Variants in KRT40 observed in about 807,000 individuals in gnomAD.
The protein encoded by KRT40 is keratin, type I cytoskeletal 40.
A neutral mutation model predicts 43.5 loss-of-function variants in KRT40; 47 were observed. That is an observed-to-expected ratio of 1.08 (90% confidence interval 0.86 to 1.38). The LOEUF is 1.38. Ranked by LOEUF, KRT40 falls within the 40% of genes most tolerant of loss-of-function variation. KRT40 has a pLI of 0.00. For synonymous variants in KRT40, 212 were observed against 214.0 expected, an observed-to-expected ratio of 0.99 and a Z score of 0.08; for missense variants, 573 against 523.6, an observed-to-expected ratio of 1.09 and a Z score of -0.92.
chr17:40,981,440 C>A, intron 3 of KRT40: 2 of 584,160 alleles, frequency 3.4e-6, no homozygotes, highest in Non-Finnish European at 6.2e-6. Flanking sequence ...AGTAAGGTGT[C>A]AATAAATGTT....
At chr17:40,982,194 A>G in intron 3 of KRT40, 113 bp downstream of exon 3, 1 of 1,049,400 alleles carries the variant, frequency 9.5e-7, no homozygotes, top group Non-Finnish European at 1.3e-6. Flanking sequence ...AAGTAGTTTT[A>G]TTCCAGCTTA....
chr17:40,978,465 T>C (rs1480570781), intron 6 of KRT40, among the ~76,000 whole-genome samples, 169 bp from the exon 7 acceptor site: 2 of 152,250 alleles, frequency 1.3e-5, no homozygotes, highest in Admixed American at 6.5e-5. Context: ...TGCCACTTCA[T>C]GTTCACTGTA....
chr17:40,984,199 T>C lies in KRT40; in HGVS notation c.75A>G (p.Ser25=). 1 of 1,613,942 alleles carries C rather than the reference T, an allele frequency of 6.2e-7. No homozygotes were observed. Among genetic ancestry groups the C allele is most frequent in the Non-Finnish European group, 8.5e-7 (1 of 1,179,988 alleles). ...CGTASGCAPA[S]SCSVETACLP... ...GACAAGCTGTTTCCACGGAGCAGCT[T>C]GAGGCAGGTGCACAACCGGAAGCCG... The change falls in exon 1 of 7, where the codon TCA becomes TCG. Residue 25 remains serine, a synonymous_variant. Coordinates refer to ENST00000377755, the MANE Select transcript of KRT40 (RefSeq NM_001389244.1).
intron 3 of KRT40, 191 bp from the exon 4 acceptor site, chr17:40,981,342 T>G (rs1447450425): frequency 9.6e-7 from 1 of 1,040,374 alleles, no homozygotes; most frequent in East Asian, 2.6e-5. Flanking sequence ...ATGGACATAA[T>G]AATTGGACAT....
upstream of KRT40, among the ~76,000 whole-genome samples, chr17:40,984,760 A>G (rs1425424449): frequency 6.6e-6 from 1 of 152,156 alleles, no homozygotes; most frequent in Non-Finnish European, 1.5e-5. Context: ...TGCCACCACC[A>G]TAAAAATGGT....
chr17:40,980,437 T>A (rs1361381592), intron 5 of KRT40, among the ~76,000 whole-genome samples: 1 of 152,068 alleles, frequency 6.6e-6, no homozygotes, highest in Non-Finnish European at 1.5e-5. Context: ...TGAAAATGAT[T>A]CTTTGTTTTA....
chr17:40,978,915 C>A lies in KRT40; in HGVS notation c.1085G>T (p.Arg362Leu), dbSNP rs371520084. Residue 362 changes from arginine to leucine, a missense_variant, in exon 6 of 7, where the codon CGC becomes CTC. By Grantham distance (102) the Arg-to-Leu change is moderately radical (BLOSUM62 -2). Transcript: ENST00000377755. ...CTGGTTCTGTCGCTCCAGGTCGCAG[C>A]GGATCTCGGCCAGCTGGTTCTCCAG... ...DNLENQLAEI[R>L]CDLERQNQEY... 2 of 1,614,008 alleles carry A rather than the reference C, an allele frequency of 1.2e-6. No homozygotes were observed. Among genetic ancestry groups the A allele is most frequent in the South Asian group, 1.1e-5 (1 of 91,080 alleles).
intron 4 of KRT40, 36 bp downstream of exon 4, chr17:40,980,954 C>T (rs747272654): frequency 5.0e-6 from 8 of 1,614,162 alleles, no homozygotes; most frequent in South Asian, 1.1e-5. Context: ...AGGCAGAAGT[C>T]TGTAAGCCTG....
rs754429823 is a variant in KRT40 at position 40,980,825 on chromosome 17, G to A, written c.935C>T (p.Ala312Val). Residue 312 changes from alanine (A) to valine (V), a missense_variant, in exon 5 of 7, where the codon GCC (alanine) becomes GTC (valine). Transcript: ENST00000377755. ...QMEILELKRTASALEIELQAQ... is the reference protein window; with the variant it reads ...QMEILELKRTVSALEIELQAQ... ...TTGGAGCTCAATTTCCAGAGCACTG[G>A]CTGTGCGTTTCAGTTCCAAGATCTC... is the stretch of plus-strand genomic sequence containing the variant. 2 of 1,612,298 alleles carry A rather than the reference G, an allele frequency of 1.2e-6. No individual in the cohort carries two copies. Among genetic ancestry groups the A allele is most frequent in the East Asian group, 4.5e-5 (2 of 44,882 alleles).
Position 40,982,443 on chromosome 17 carries a change from A to G in KRT40, c.551T>C (p.Leu184Pro). ...FKSKYESELS[L>P]RQLLEADISS... ...GATGTCAGCCTCTAACAGCTGGCGAAGGGACAGTTCACTCTCGTACCTTTC... is the reference window on the plus strand; with the variant it reads ...GATGTCAGCCTCTAACAGCTGGCGAGGGGACAGTTCACTCTCGTACCTTTC... The change falls in exon 3 of 7, where the codon CTT becomes CCT. Residue 184 changes from leucine to proline, a missense_variant. Coordinates refer to ENST00000377755, the MANE Select transcript of KRT40 (RefSeq NM_001389244.1). 6.2e-7 allele frequency: 1 copy of G among 1,603,922 alleles called. No homozygotes were observed. Among genetic ancestry groups the G allele is most frequent in the Non-Finnish European group, 8.5e-7 (1 of 1,175,556 alleles).
In KRT40 at chr17:40,980,810, AT is replaced by A; in HGVS notation, c.949del (p.Ile317LeufsTer9). 1 of 1,609,632 alleles carries A rather than the reference AT, an allele frequency of 6.2e-7. No individual in the cohort carries two copies. Among genetic ancestry groups the A allele is most frequent in the Non-Finnish European group, 8.5e-7 (1 of 1,179,392 alleles). ...ELKRTASALE[I>X]ELQAQQSLTE... ...CAGGCTTTGCTGTGCTTGGAGCTCA[AT>A]TTCCAGAGCACTGGCTGTGCGTTTC... On this transcript the variant is annotated frameshift_variant, in exon 5 of 7. Transcript: ENST00000377755. LOFTEE classifies it high-confidence loss of function.
At chr17:40,982,575 C>A in intron 2 of KRT40, 112 bp from the exon 3 acceptor site, 1 of 757,830 alleles carries the variant, frequency 1.3e-6, no homozygotes, top group South Asian at 3.4e-5. Context: ...CATAATTTCT[C>A]TTAATTCCTA....
intron 5 of KRT40, among the ~76,000 whole-genome samples, chr17:40,979,837 A>G (rs570604303): frequency 2.6e-4 from 39 of 152,312 alleles, no homozygotes; most frequent in African/African-American, 9.4e-4. Flanking sequence ...ACAGCAGAGA[A>G]GTGTGACTAC....
rs760120777 is a variant in KRT40 at position 40,980,890 on chromosome 17, C to T, written c.870G>A (p.Gln290=). Residue 290 remains glutamine, a synonymous_variant, in exon 5 of 7, where the codon CAG becomes CAA. Transcript: ENST00000377755. ...GCAGCTGCTCCGCGCTGGACAGTTG[C>T]TGCTGATTCAGCTCTTCTGTCTGAA... The part of the protein sequence containing the change: ...LAVQTEELNQ[Q]QLSSAEQLQG... The T allele has an allele frequency of 1.9e-6, 3 of 1,613,950 alleles. No individual in the cohort carries two copies. Among genetic ancestry groups the T allele is most frequent in the South Asian group, 1.1e-5 (1 of 91,078 alleles).
Position 40,983,888 on chromosome 17 carries a change from A to T in KRT40, c.386T>A (p.Ile129Asn), listed in dbSNP as rs199823333. 1.9e-6 allele frequency: 3 copies of T among 1,614,132 alleles called. No homozygotes were observed. The highest frequency in any genetic ancestry group is 2.5e-6 in the Non-Finnish European group (3 of 1,180,028). Residue 129 changes from isoleucine (I) to asparagine (N), a missense_variant, in exon 1 of 7, where the codon ATC (isoleucine) becomes AAC (asparagine). Coordinates refer to ENST00000377755, the MANE Select transcript of KRT40 (RefSeq NM_001389244.1). Reference protein sequence around the residue: ...SRIQEQCEQDIPMVCPDYQRY... With the variant: ...SRIQEQCEQDNPMVCPDYQRY... ...CTGATAATCCGGGCACACCATTGGG[A>T]TATCCTGTTCACATTGTTCTTGGAT...
upstream of KRT40, among the ~76,000 whole-genome samples, chr17:40,986,563 A>G (rs965145607): frequency 2.6e-5 from 4 of 152,072 alleles, no homozygotes; most frequent in South Asian, 2.1e-4. Context: ...GTTCTCTAAT[A>G]TATCTGCCTT....
intron 6 of KRT40, 34 bp downstream of exon 6, chr17:40,978,770 T>A: frequency 2.5e-6 from 4 of 1,572,116 alleles, no homozygotes; most frequent in Non-Finnish European, 3.5e-6. Context: ...TCTTTGTGAC[T>A]CTGGGGGATT....
chr17:40,982,350 G>A lies in KRT40; in HGVS notation c.644C>T (p.Ser215Phe). The change falls in exon 3 of 7, where the codon TCT becomes TTT. Residue 215 changes from serine to phenylalanine, a missense_variant. Transcript: ENST00000377755. ...CKSDLEAHVE[S>F]LKEDLLCLKK... ...AAGGCAAAGGAGATCTTCCTTCAGA[G>A]ACTCCACATGGGCCTCCAGATCAGA... The A allele has an allele frequency of 6.2e-7, 1 of 1,602,930 alleles. No homozygotes were observed. The highest frequency in any genetic ancestry group is 8.5e-7 in the Non-Finnish European group (1 of 1,175,452).
In KRT40 at chr17:40,980,677, G is replaced by A; in HGVS notation, c.975+108C>T. 4.3e-6 allele frequency: 6 copies of A among 1,401,230 alleles called. No homozygotes were observed. The South Asian group carries it at 5.7e-5, about 13-fold the overall frequency. The allele number at this position is 1,401,230 out of a possible 1,614,324, so 86.8% of individuals were successfully genotyped here. On this transcript the variant is annotated intron_variant, in intron 5 of 6. Coordinates refer to ENST00000377755, the MANE Select transcript of KRT40 (RefSeq NM_001389244.1). ...TCTATTAATAGCTGGGTAAACGGCAGTACTCGGGAAAGGCAAGGAAATGTG... is the reference window on the plus strand; with the variant it reads ...TCTATTAATAGCTGGGTAAACGGCAATACTCGGGAAAGGCAAGGAAATGTG...
Sources: allele counts gnomAD v4.1 joint callset (sites outside exome capture counted in the v4.1 genomes callset), GRCh38; gene constraint gnomAD v4.1.1; transcripts MANE v1.5; gene names NCBI Gene and HGNC (gene_info 2026-07-23, HGNC 2026-07-21).